The following OPCML variants were observed in gnomAD, a reference collection of about 807,000 sequenced individuals.
The protein encoded by OPCML is opioid binding protein/cell adhesion molecule like.
Under a neutral mutation model 37.8 loss-of-function variants are expected in OPCML, and 13 were observed. The ratio of observed to expected loss-of-function variants is 0.34; its 90% CI spans 0.22 to 0.55. The LOEUF (loss-of-function observed/expected upper bound fraction) is 0.55, where lower values mean the gene tolerates loss of function less well. Ranked by LOEUF, OPCML falls within the 20% of genes least tolerant of loss-of-function variation. OPCML has a pLI of 0.91. For synonymous variants in OPCML, 176 were observed against 168.8 expected (o/e 1.04, Z -0.33); for missense variants, 341 against 435.6 (o/e 0.78, Z 1.93).
chr11:133,165,505 C>T (rs760144922), intron 1 of OPCML, among the ~76,000 whole-genome samples: 1 of 152,176 alleles, frequency 6.6e-6, no homozygotes, highest in Non-Finnish European at 1.5e-5. Context: ...AACTCATTCC[C>T]TCTTTGTCTG....
chr11:133,340,608 CTG>C (rs5795838), intron 1 of OPCML, among the ~76,000 whole-genome samples: 61,673 of 138,722 alleles, frequency 0.44, 14,115 homozygotes, highest in East Asian at 0.69. Context: ...AAGACTCTCT[CTG>C]TGTGTGTGTG....
At chr11:132,634,471 G>C (rs1353655731) in intron 3 of OPCML, among the ~76,000 whole-genome samples, 1 of 152,156 alleles carries the variant, frequency 6.6e-6, no homozygotes, top group Non-Finnish European at 1.5e-5. Context: ...GGCAAAGGGG[G>C]ACTGAAATGT....
At chr11:132,626,812 TTC>T (rs375135656) in intron 3 of OPCML, among the ~76,000 whole-genome samples, 18,326 of 147,034 alleles carry the variant, frequency 0.12, 1,406 homozygotes, top group South Asian at 0.22. Context: ...AAAGGGAAGT[TTC>T]TCTCTCTCTC....
At chr11:133,382,926 C>T (rs1340156303) in intron 1 of OPCML, among the ~76,000 whole-genome samples, 1 of 152,126 alleles carries the variant, frequency 6.6e-6, no homozygotes, top group Non-Finnish European at 1.5e-5. Flanking sequence ...AGGTGACCTC[C>T]TTGAATTTGG....
At position 132,561,367 on chromosome 11, in the gene OPCML, C is replaced by G. The variant is rs1465430317; in HGVS notation, c.380-32181G>C. On this transcript the variant is annotated intron_variant, in intron 3 of 7. Transcript: ENST00000524381. Reference sequence around the variant, plus strand: ...ATCCTTTCCTGGGTCCTCATCTCCTCCATAGGCTCTTTAGGATGATAAAAC... The same window carrying G: ...ATCCTTTCCTGGGTCCTCATCTCCTGCATAGGCTCTTTAGGATGATAAAAC... Among the ~76,000 whole-genome samples the G allele has an allele frequency of 5.3e-5, 8 of 152,198 alleles. 1 individual carries two copies. Among genetic ancestry groups the G allele is most frequent in the Non-Finnish European group, 1.2e-4 (8 of 68,024 alleles).
chr11:133,282,478 G>A (rs1942185258), intron 1 of OPCML, among the ~76,000 whole-genome samples: 2 of 152,250 alleles, frequency 1.3e-5, no homozygotes, highest in Non-Finnish European at 2.9e-5. Flanking sequence ...TTCAGAGGAT[G>A]TATGGGAAAG....
chr11:133,051,464 T>C (rs976311201), intron 1 of OPCML, among the ~76,000 whole-genome samples: 2 of 152,168 alleles, frequency 1.3e-5, no homozygotes, highest in African/African-American at 4.8e-5. Flanking sequence ...TTCAGGGTAC[T>C]CACTACACTA....
Position 133,141,021 on chromosome 11 carries a change from C to CGAAGACGACGACGAA in OPCML, c.62-198012_62-198011insTTCGTCGTCGTCTTC. On this transcript the variant is annotated intron_variant, in intron 1 of 7. Transcript: ENST00000524381. ...AAGACGACGACGACGACGACGACGA[C>CGAAGACGACGACGAA]GACGACGACGACGACGACGACGACG... 8.7e-4 allele frequency among the ~76,000 whole-genome samples: 9 copies of CGAAGACGACGACGAA among 10,324 alleles called. 2 individuals are homozygous for CGAAGACGACGACGAA. The highest frequency in any genetic ancestry group is 1.8e-3 in the African/African-American group (9 of 4,986). The allele number at this position is 10,324 out of a possible 152,430, so 6.8% of individuals were successfully genotyped here. A position where few individuals can be genotyped will look rare whatever the true frequency, so the allele number is the denominator to read the frequency against.
intron 1 of OPCML, among the ~76,000 whole-genome samples, chr11:133,199,049 A>T (rs1938653314): frequency 6.6e-6 from 1 of 152,200 alleles, no homozygotes; most frequent in African/African-American, 2.4e-5. Flanking sequence ...CTTTCCCAGC[A>T]ACAAAATAAT....
intron 1 of OPCML, chr11:133,297,793 G>T (rs1251486454): frequency 6.6e-6 from 1 of 152,094 alleles, no homozygotes; most frequent in Non-Finnish European, 1.5e-5. Context: ...CATATGCCTG[G>T]CTCTAAATCT....
intron 1 of OPCML, among the ~76,000 whole-genome samples, chr11:133,499,039 G>A (rs752878360): frequency 2.0e-5 from 3 of 152,212 alleles, no homozygotes; most frequent in South Asian, 2.1e-4. Flanking sequence ...CAGGGCCAGC[G>A]TTGGATCTTG....
chr11:132,570,908 T>C (rs929088009), intron 3 of OPCML, among the ~76,000 whole-genome samples: 9 of 150,872 alleles, frequency 6.0e-5, no homozygotes, highest in African/African-American at 2.2e-4. Flanking sequence ...CTCAATTGGA[T>C]TGAAGTATCT....
intron 1 of OPCML, among the ~76,000 whole-genome samples, chr11:133,027,015 G>A (rs1462583282): frequency 6.6e-6 from 1 of 152,224 alleles, no homozygotes; most frequent in Non-Finnish European, 1.5e-5. Flanking sequence ...GGGAACTTAA[G>A]GTGGAGGGAT....
chr11:133,088,499 T>A (rs951983072), intron 1 of OPCML, among the ~76,000 whole-genome samples: 1 of 152,214 alleles, frequency 6.6e-6, no homozygotes, highest in African/African-American at 2.4e-5. Flanking sequence ...GCCAATATCT[T>A]CCAATATCAA....
intron 1 of OPCML, among the ~76,000 whole-genome samples, chr11:133,519,323 A>G (rs1238093089): frequency 1.3e-5 from 2 of 152,206 alleles, no homozygotes; most frequent in African/African-American, 4.8e-5. Flanking sequence ...CATAATTAAC[A>G]TATTTTTATG....
chr11:133,121,826 G>A (rs1949426739), intron 1 of OPCML, among the ~76,000 whole-genome samples: 1 of 152,074 alleles, frequency 6.6e-6, no homozygotes, highest in Non-Finnish European at 1.5e-5. Context: ...TAAAATATTT[G>A]AGATTACAAA....
At chr11:133,503,091 G>C (rs747109874) in intron 1 of OPCML, among the ~76,000 whole-genome samples, 2 of 152,166 alleles carry the variant, frequency 1.3e-5, no homozygotes, top group Admixed American at 6.5e-5. Flanking sequence ...AATGCAAAAA[G>C]GATCTATATT....
intron 1 of OPCML, among the ~76,000 whole-genome samples, chr11:133,292,588 A>T (rs1449595535): frequency 6.6e-6 from 1 of 152,208 alleles, no homozygotes; most frequent in Non-Finnish European, 1.5e-5. Context: ...AGGCAAACGA[A>T]CACGGGAGGC....
intron 1 of OPCML, among the ~76,000 whole-genome samples, chr11:133,446,290 TC>T (rs771617929): frequency 6.6e-6 from 1 of 152,206 alleles, no homozygotes; most frequent in Non-Finnish European, 1.5e-5. Context: ...GTAGTTTGCA[TC>T]CGTGTTTTCT....
Sources: allele counts gnomAD v4.1 joint callset (sites outside exome capture counted in the v4.1 genomes callset), GRCh38; gene constraint gnomAD v4.1.1; transcripts MANE v1.5; gene names NCBI Gene and HGNC (gene_info 2026-07-23, HGNC 2026-07-21).